KIF5A: variants seen among roughly 807,000 people sequenced by gnomAD.
The protein encoded by KIF5A is kinesin family member 5A, also known as kinesin heavy chain isoform 5A.
A neutral mutation model predicts 141.3 loss-of-function variants in KIF5A; 35 were observed. The observed-to-expected ratio is 0.25, with a 90% CI of 0.19 to 0.33. The LOEUF (loss-of-function observed/expected upper bound fraction) is 0.33. KIF5A is among the 10% of genes least tolerant of loss of function. The probability of loss-of-function intolerance (pLI) is 1.00; values close to 1 mark genes in which losing one functional copy is unlikely to be tolerated. For missense variants in KIF5A, 861 were observed against 1,314.3 expected, an observed-to-expected ratio of 0.66 and a Z score of 5.33; for synonymous variants, 448 against 500.2, an observed-to-expected ratio of 0.90 and a Z score of 1.39.
At chr12:57,564,667 A>G (rs1172934404) in intron 5 of KIF5A, among the ~76,000 whole-genome samples, 159 bp downstream of exon 5, 1 of 152,190 alleles carries the variant, frequency 6.6e-6, no homozygotes, top group Non-Finnish European at 1.5e-5. Context: ...AAAACTGAGA[A>G]GGTCAGGAGA....
intron 1 of KIF5A, among the ~76,000 whole-genome samples, chr12:57,557,576 CAT>C (rs145460197): frequency 0.03 from 4,524 of 152,042 alleles, 92 homozygotes; most frequent in South Asian, 0.059. Flanking sequence ...TACATATATA[CAT>C]ATGTTAATTT....
At chr12:57,582,768 G>C in intron 27 of KIF5A, 139 bp downstream of exon 27, 1 of 782,340 alleles carries the variant, frequency 1.3e-6, no homozygotes, top group Non-Finnish European at 2.3e-6. Flanking sequence ...TCATCACTGT[G>C]TTGTCCAGGA....
intron 23 of KIF5A, among the ~76,000 whole-genome samples, chr12:57,579,157 TC>T (rs1555178727): frequency 6.6e-6 from 1 of 151,890 alleles, no homozygotes; most frequent in Non-Finnish European, 1.5e-5. Flanking sequence ...TGCCTCTCTG[TC>T]CCCCTCCTTG....
At position 57,564,094 on chromosome 12, in the gene KIF5A, C is replaced by T; in HGVS notation, c.292-14C>T. The stretch of plus-strand genomic sequence containing the variant: ...TGAGCCCCAGCTTCACTCTCAAATA[C>T]CTTCACTCGCCAGGGAAAGCTGCAC... On this transcript the variant is annotated splice_polypyrimidine_tract_variant and intron_variant, in intron 3 of 28. Transcript: ENST00000455537. The T allele has an allele frequency of 2.5e-6, 4 of 1,599,030 alleles. No homozygotes were observed. The highest frequency in any genetic ancestry group is 3.4e-6 in the Non-Finnish European group (4 of 1,166,388).
chr12:57,551,661 T>A (rs1273865332), intron 1 of KIF5A, among the ~76,000 whole-genome samples: 1 of 152,178 alleles, frequency 6.6e-6, no homozygotes, highest in East Asian at 1.9e-4. Flanking sequence ...TATGTATCTT[T>A]ATCCACAGTG....
intron 23 of KIF5A, among the ~76,000 whole-genome samples, chr12:57,579,041 G>A (rs1376870472): frequency 1.3e-5 from 2 of 152,116 alleles, no homozygotes; most frequent in African/African-American, 2.4e-5. Context: ...TCCAGCCTAG[G>A]TGACAGAGTG....
chr12:57,579,387 C>T (rs1882525627), intron 23 of KIF5A, among the ~76,000 whole-genome samples: 1 of 152,188 alleles, frequency 6.6e-6, no homozygotes, highest in Non-Finnish European at 1.5e-5. Flanking sequence ...TACTTCATTC[C>T]TTTCCTTTCA....
At chr12:57,553,944 A>G (rs1881656167) in intron 1 of KIF5A, among the ~76,000 whole-genome samples, 1 of 152,020 alleles carries the variant, frequency 6.6e-6, no homozygotes, top group African/African-American at 2.4e-5. Context: ...CTCATTAACA[A>G]CTCACAGAGT....
intron 23 of KIF5A, among the ~76,000 whole-genome samples, chr12:57,579,553 A>G (rs1882531467): frequency 6.6e-6 from 1 of 151,898 alleles, no homozygotes. Flanking sequence ...TAATGTACAG[A>G]GTTTATTTAT....
chr12:57,558,040 G>A (rs759553380), intron 1 of KIF5A, among the ~76,000 whole-genome samples: 8 of 152,122 alleles, frequency 5.3e-5, no homozygotes, highest in Non-Finnish European at 1.2e-4. Flanking sequence ...ACATTTATAA[G>A]CAAATACATA....
At position 57,563,611 on chromosome 12, in the gene KIF5A, C is replaced by T. The variant is rs936245243; in HGVS notation, c.218-9C>T. On this transcript the variant is annotated splice_polypyrimidine_tract_variant and intron_variant, in intron 2 of 28. Coordinates refer to ENST00000455537, the MANE Select transcript of KIF5A (RefSeq NM_004984.4). The stretch of plus-strand genomic sequence containing the variant: ...TCCACCAGTACTCTTTCTCTACTGT[C>T]TCTTCCAGATGTCCTTGCTGGCTAC... 7 of 1,614,008 alleles carry T rather than the reference C, an allele frequency of 4.3e-6. No individual in the cohort carries two copies. Among genetic ancestry groups the T allele is most frequent in the Non-Finnish European group, 5.9e-6 (7 of 1,179,834 alleles).
intron 5 of KIF5A, among the ~76,000 whole-genome samples, 199 bp from the exon 6 acceptor site, chr12:57,564,719 G>T (rs1372579233): frequency 6.6e-6 from 1 of 152,202 alleles, no homozygotes; most frequent in East Asian, 1.9e-4. Context: ...AGTTCGAGAG[G>T]ATCTGGGGCC....
Position 57,572,089 on chromosome 12 carries a change from A to T in KIF5A, c.1391A>T (p.Glu464Val). Residue 464 changes from glutamate (E) to valine (V), a missense_variant, in exon 14 of 29, where the codon GAG (glutamate) becomes GTG (valine). By Grantham distance (121) the Glu-to-Val change is moderately radical. Transcript: ENST00000455537. The surrounding 1 kb of genome is among the most constrained non-coding windows in gnomAD (Gnocchi z 4.2). ...CTGGTGTCCACCCGAGGAGACAACGAGAAGGTCCAGCGGGAGCTGAGCCAC... is the reference window on the plus strand; with the variant it reads ...CTGGTGTCCACCCGAGGAGACAACGTGAAGGTCCAGCGGGAGCTGAGCCAC... ...ELLVSTRGDN[E>V]KVQRELSHLQ... The T allele has an allele frequency of 6.2e-7, 1 of 1,613,916 alleles. No individual in the cohort carries two copies. Among genetic ancestry groups the T allele is most frequent in the Non-Finnish European group, 8.5e-7 (1 of 1,180,030 alleles).
At chr12:57,563,210 T>C (rs1220648744) in intron 1 of KIF5A, among the ~76,000 whole-genome samples, 2 of 152,016 alleles carry the variant, frequency 1.3e-5, no homozygotes, top group Non-Finnish European at 2.9e-5. Flanking sequence ...TTTCACCATA[T>C]TGGTCAGGCT....
intron 17 of KIF5A, among the ~76,000 whole-genome samples, 161 bp from the exon 18 acceptor site, chr12:57,575,926 C>G (rs1284852730): frequency 6.6e-6 from 1 of 152,236 alleles, no homozygotes; most frequent in Non-Finnish European, 1.5e-5. Context: ...TAACCATACA[C>G]CCTTGTTCTC....
intron 28 of KIF5A, among the ~76,000 whole-genome samples, chr12:57,583,829 C>T (rs1348009117): frequency 1.3e-5 from 2 of 152,206 alleles, no homozygotes; most frequent in East Asian, 3.8e-4. Context: ...TCTCCTCTAG[C>T]AGCACAGGAA....
Position 57,580,590 on chromosome 12 carries a change from G to A in KIF5A, c.2539-366G>A, listed in dbSNP as rs546973613. On this transcript the variant is annotated intron_variant, in intron 23 of 28. Transcript: ENST00000455537. ...AAGCGGGTCCCTCATCCCCATGGCC[G>A]CCCTGGGGCTATTGATCTGGCACAT... Among the ~76,000 whole-genome samples, 6 of 152,260 alleles carry A rather than the reference G, an allele frequency of 3.9e-5. No homozygotes were observed. The South Asian group carries it at 6.2e-4, about 16-fold the overall frequency.
intron 8 of KIF5A, 128 bp downstream of exon 8, chr12:57,567,746 C>A: frequency 1.0e-6 from 1 of 966,388 alleles, no homozygotes; most frequent in East Asian, 2.7e-5. Context: ...CTGCAACCTC[C>A]GCCTCCTGGG....
rs145320827 is a variant in KIF5A, at chr12:57,586,443, C to A, written c.*2262C>A. 8 of 152,598 alleles carry A rather than the reference C, an allele frequency of 5.2e-5. No homozygotes were observed. The East Asian group carries it at 1.5e-3, about 29-fold the overall frequency. 9.5% of individuals were successfully genotyped at this position (152,598 alleles called of 1,614,324 possible). On this transcript the variant is annotated 3_prime_UTR_variant, in exon 29 of 29. Transcript: ENST00000455537. ...CTTCACACTACATCCTCCTCCTCCT[C>A]CTGCTCCCCACCTTCACCGCATCCC... is the stretch of plus-strand genomic sequence containing the variant.
Sources: gnomAD v4.1 joint callset for allele counts (sites outside exome capture counted in the v4.1 genomes callset) on GRCh38, gnomAD v4.1.1 for gene constraint, Gnocchi (gnomAD v3.1) non-coding constraint, MANE v1.5 for transcripts, NCBI Gene and HGNC (gene_info 2026-07-23, HGNC 2026-07-21) for gene names.